Variants in B3GALT1 observed in about 807,000 individuals in gnomAD.
The protein encoded by B3GALT1 is UDP-Gal:betaGlcNAc beta 1,3-galactosyltransferase, polypeptide 1.
A neutral mutation model predicts 23.2 loss-of-function variants in B3GALT1; 10 were observed. The observed-to-expected ratio is 0.43, with a 90% CI of 0.27 to 0.73. B3GALT1 has a LOEUF of 0.73. B3GALT1 is among the 30% of genes least tolerant of loss of function. B3GALT1 has a pLI of 0.21. For missense variants in B3GALT1, 299 were observed against 405.4 expected (o/e 0.74, Z 2.25); for synonymous variants, 156 against 141.5 (o/e 1.10, Z -0.73).
At chr2:167,840,131 T>C (rs1179174126) in intron 4 of B3GALT1, among the ~76,000 whole-genome samples, 2 of 152,178 alleles carry the variant, frequency 1.3e-5, no homozygotes, top group Non-Finnish European at 2.9e-5. Context: ...AAGGACTTCA[T>C]GTCTAAAACA....
At chr2:167,369,881 T>C (rs1010647821) in intron 1 of B3GALT1, among the ~76,000 whole-genome samples, 3 of 152,126 alleles carry the variant, frequency 2.0e-5, no homozygotes, top group Non-Finnish European at 4.4e-5. Context: ...AAAATATTCT[T>C]CATGGCACTT....
In B3GALT1 at chr2:167,761,353, A is replaced by G. The variant is rs534290751; in HGVS notation, c.-351-57319A>G. Among the ~76,000 whole-genome samples, 7 of 152,286 alleles carry G rather than the reference A, an allele frequency of 4.6e-5. No individual in the cohort carries two copies. The East Asian group carries it at 1.3e-3, about 29-fold the overall frequency. ...GGAGAAATGTCATACGTGAAAAAGG[A>G]GTATATTTATAAAAGTTAGAAATAA... On this transcript the variant is annotated intron_variant, in intron 3 of 4. Transcript: ENST00000392690.
intron 3 of B3GALT1, among the ~76,000 whole-genome samples, chr2:167,683,197 G>C (rs1262188892): frequency 6.6e-6 from 1 of 152,204 alleles, no homozygotes. Context: ...ATTTGTGACA[G>C]TGTGTTAGTA....
At chr2:167,700,718 C>T (rs1686868254) in intron 3 of B3GALT1, among the ~76,000 whole-genome samples, 1 of 151,944 alleles carries the variant, frequency 6.6e-6, no homozygotes, top group Non-Finnish European at 1.5e-5. Flanking sequence ...TGGTGCAGTG[C>T]GGGTAGGGTT....
rs986367081 is a variant in B3GALT1 at position 167,856,654 on chromosome 2, T to C, written c.-229-12157T>C. On this transcript the variant is annotated intron_variant, in intron 4 of 4. Transcript: ENST00000392690. ...CCAAAGCAGCTGACACCAGGAAAGC[T>C]TGGACTGGGAAAGTTGTATGCTTTA... 5.3e-5 allele frequency among the ~76,000 whole-genome samples: 8 copies of C among 152,260 alleles called. No homozygotes were observed. The South Asian group carries it at 1.5e-3, about 28-fold the overall frequency.
chr2:167,677,069 G>A (rs571853203), intron 3 of B3GALT1, among the ~76,000 whole-genome samples: 1 of 152,266 alleles, frequency 6.6e-6, no homozygotes, highest in South Asian at 2.1e-4. Context: ...ATCAGGAGCT[G>A]GGTGAGGGGT....
chr2:167,440,331 C>T (rs1391370460), intron 1 of B3GALT1, among the ~76,000 whole-genome samples: 1 of 126,298 alleles, frequency 7.9e-6, no homozygotes. Context: ...GGTAACAGAG[C>T]GAGACTCTGT....
chr2:167,720,829 G>C (rs899379104), intron 3 of B3GALT1, among the ~76,000 whole-genome samples: 4 of 152,152 alleles, frequency 2.6e-5, no homozygotes, highest in Non-Finnish European at 5.9e-5. Context: ...GATATTACAT[G>C]GGGCTTTCTG....
chr2:167,757,008 T>TC (rs1425783685), intron 3 of B3GALT1, among the ~76,000 whole-genome samples: 1 of 152,144 alleles, frequency 6.6e-6, no homozygotes, highest in Non-Finnish European at 1.5e-5. Flanking sequence ...CTACCTCTCC[T>TC]CCACTTCTCA....
At chr2:167,431,358 A>G (rs1455965297) in intron 1 of B3GALT1, among the ~76,000 whole-genome samples, 1 of 152,202 alleles carries the variant, frequency 6.6e-6, no homozygotes, top group East Asian at 1.9e-4. Context: ...AATTTCAGTA[A>G]TGGAGCCATG....
rs1698367728 is a variant in B3GALT1 at position 167,410,134 on chromosome 2, G to A, written c.-510-80043G>A. On this transcript the variant is annotated intron_variant, in intron 1 of 4. Coordinates refer to ENST00000392690, the MANE Select transcript of B3GALT1 (RefSeq NM_020981.4). ...AGTTCATGTCCTTTGCAGGGACATG[G>A]ATGAACCTGGAAACCATCATTCTCA... 2.6e-5 allele frequency among the ~76,000 whole-genome samples: 4 copies of A among 152,232 alleles called. No homozygotes were observed. In the South Asian group the frequency reaches 6.2e-4, roughly 24 times the overall value.
intron 3 of B3GALT1, among the ~76,000 whole-genome samples, chr2:167,674,330 C>A (rs929282805): frequency 1.3e-5 from 2 of 152,104 alleles, no homozygotes; most frequent in Non-Finnish European, 2.9e-5. Flanking sequence ...CTCCATCTCT[C>A]CCTGCTTCCT....
intron 1 of B3GALT1, among the ~76,000 whole-genome samples, chr2:167,396,130 G>A (rs1680348501): frequency 1.3e-5 from 2 of 152,088 alleles, no homozygotes; most frequent in Admixed American, 1.3e-4. Flanking sequence ...CTTTTAAGAA[G>A]ACTTGGCTTT....
intron 1 of B3GALT1, among the ~76,000 whole-genome samples, chr2:167,299,037 A>G (rs1000790349): frequency 3.3e-5 from 5 of 152,200 alleles, no homozygotes; most frequent in Non-Finnish European, 7.4e-5. Flanking sequence ...GGGTTTGAAG[A>G]GACATATCAT....
rs836703 is a variant in B3GALT1, at chr2:167,868,969, G to C, written c.-71G>C. 8.1e-4 allele frequency: 1,211 copies of C among 1,490,978 alleles called. 18 individuals carry two copies. The African/African-American group carries it at 0.016, about 19-fold the overall frequency. 92.4% of individuals were successfully genotyped at this position (1,490,978 alleles called of 1,614,324 possible). ...GATTTATTAGTAATATGCTGCCTTTGGAAGATGAAAACAAACTAGTGCCAA... is the reference window on the plus strand; with the variant it reads ...GATTTATTAGTAATATGCTGCCTTTCGAAGATGAAAACAAACTAGTGCCAA... On this transcript the variant is annotated 5_prime_UTR_variant, in exon 5 of 5. Coordinates refer to ENST00000392690, the MANE Select transcript of B3GALT1 (RefSeq NM_020981.4).
chr2:167,429,278 C>G (rs996404454), intron 1 of B3GALT1, among the ~76,000 whole-genome samples: 1 of 28,642 alleles, frequency 3.5e-5, no homozygotes, highest in Non-Finnish European at 8.6e-5. Flanking sequence ...GAGACTCTGT[C>G]TCAAAAAAAA....
intron 3 of B3GALT1, among the ~76,000 whole-genome samples, chr2:167,812,310 A>C (rs148477248): frequency 6.6e-6 from 1 of 152,238 alleles, no homozygotes; most frequent in Non-Finnish European, 1.5e-5. Flanking sequence ...TTGTTTGTAC[A>C]TACGCCCTGG....
At chr2:167,397,828 G>C (rs1197273161) in intron 1 of B3GALT1, among the ~76,000 whole-genome samples, 1 of 152,082 alleles carries the variant, frequency 6.6e-6, no homozygotes, top group Non-Finnish European at 1.5e-5. Context: ...ACAGAACTAT[G>C]AACAGAATTC....
chr2:167,741,907 T>A (rs1574239923), intron 3 of B3GALT1, among the ~76,000 whole-genome samples: 1 of 152,208 alleles, frequency 6.6e-6, no homozygotes, highest in East Asian at 1.9e-4. Context: ...TATATGAAGA[T>A]ACATAAGAGG....
Sources: allele counts gnomAD v4.1 joint callset (sites outside exome capture counted in the v4.1 genomes callset), GRCh38; gene constraint gnomAD v4.1.1; transcripts MANE v1.5; gene names NCBI Gene and HGNC (gene_info 2026-07-23, HGNC 2026-07-21).